Variants in PKHD1 observed in about 807,000 individuals in gnomAD.
PKHD1 encodes the protein fibrocystin.
PKHD1 carries 291 observed loss-of-function variants against 412.0 expected under a neutral mutation model. That is an observed-to-expected ratio of 0.71 (90% confidence interval 0.64 to 0.78). PKHD1 has a LOEUF of 0.78. Ranked by LOEUF, PKHD1 falls within the 30% of genes least tolerant of loss-of-function variation. The pLI is 0.00. For missense variants in PKHD1, 4,825 were observed against 4,950.7 expected (o/e 0.97, Z 0.76); for synonymous variants, 1,777 against 1,821.5 (o/e 0.98, Z 0.62).
In PKHD1 at chr6:51,867,516, T is replaced by C. The variant is rs79440627; in HGVS notation, c.7733+347A>G. On this transcript the variant is annotated intron_variant, in intron 48 of 66. Transcript: ENST00000371117. ...AAGAGTACATGTATATAAATGAGAA[T>C]GGACATTTTTAGAATTTTTTAATAA... Among the ~76,000 whole-genome samples, 856 of 152,228 alleles carry C rather than the reference T, an allele frequency of 5.6e-3. 7 individuals carry two copies. Among genetic ancestry groups the C allele is most frequent in the African/African-American group, 0.018 (743 of 41,550 alleles).
At position 52,043,144 on chromosome 6, in the gene PKHD1, G is replaced by A. The variant is rs745871312; in HGVS notation, c.2822-10C>T. 5.0e-6 allele frequency: 8 copies of A among 1,602,560 alleles called. No homozygotes were observed. Among genetic ancestry groups the A allele is most frequent in the Non-Finnish European group, 6.8e-6 (8 of 1,170,896 alleles). ...AGGTTGATGTCACCATCTTAAAGGAGAAAAGAAATTAAAAAACAAATAAAA... is the reference window on the plus strand; with the variant it reads ...AGGTTGATGTCACCATCTTAAAGGAAAAAAGAAATTAAAAAACAAATAAAA... On this transcript the variant is annotated splice_polypyrimidine_tract_variant and intron_variant, in intron 26 of 66. Coordinates refer to ENST00000371117, the MANE Select transcript of PKHD1 (RefSeq NM_138694.4).
chr6:52,059,973 G>A lies in PKHD1; in HGVS notation c.1188C>T (p.Ser396=). The change falls in exon 15 of 67, where the codon AGC becomes AGT. Residue 396 remains serine, a synonymous_variant. Transcript: ENST00000371117. ...ACCAACTGAAATGCAAGGAAGCTTGGCTATCTGCCTGAATCCAGAAAGTGT... is the reference window on the plus strand; with the variant it reads ...ACCAACTGAAATGCAAGGAAGCTTGACTATCTGCCTGAATCCAGAAAGTGT... The part of the protein sequence containing the change: ...NNYTFWIQAD[S]QASLHFSWSE... The A allele has an allele frequency of 6.2e-7, 1 of 1,607,948 alleles. No individual in the cohort carries two copies. Among genetic ancestry groups the A allele is most frequent in the Non-Finnish European group, 8.5e-7 (1 of 1,174,382 alleles).
intron 46 of PKHD1, among the ~76,000 whole-genome samples, chr6:51,870,966 T>A (rs1775900143): frequency 6.6e-6 from 1 of 151,546 alleles, no homozygotes. Context: ...GAAATGCAAA[T>A]TAAGATCACA....
At chr6:51,854,944 G>A (rs1309177840) in intron 49 of PKHD1, among the ~76,000 whole-genome samples, 1 of 152,252 alleles carries the variant, frequency 6.6e-6, no homozygotes, top group Non-Finnish European at 1.5e-5. Context: ...GGCAGCTGCA[G>A]CCAGTGCTGG....
rs2127667334 is a variant in PKHD1, at chr6:51,912,450, C to A, written c.6248G>T (p.Gly2083Val). ...TTCCATCGGTTTGGCACCTTTAACA[C>A]CTGTTCCACTGATGATGACAACTTC... ...GDEVVIISGT[G>V]VKGAKPMEEI... The change falls in exon 38 of 67, where the codon GGT (glycine) becomes GTT (valine). Residue 2083 changes from glycine (G) to valine (V), a missense_variant. Transcript: ENST00000371117. The A allele has an allele frequency of 6.2e-7, 1 of 1,612,954 alleles. No individual in the cohort carries two copies. Among genetic ancestry groups the A allele is most frequent in the South Asian group, 1.1e-5 (1 of 91,056 alleles).
intron 66 of PKHD1, among the ~76,000 whole-genome samples, chr6:51,626,040 C>T (rs1767187918): frequency 6.6e-6 from 1 of 152,060 alleles, no homozygotes; most frequent in Admixed American, 6.6e-5. Flanking sequence ...AACAAACAAA[C>T]CTTTATTTCT....
At chr6:51,721,767 C>T (rs1781952182) in intron 60 of PKHD1, 6 of 1,415,872 alleles carry the variant, frequency 4.2e-6, no homozygotes, top group Non-Finnish European at 5.5e-6. Context: ...TAAGCAAACT[C>T]TATTTCCTCT....
At position 52,070,063 on chromosome 6, in the gene PKHD1, CACTTCCT is replaced by C. The variant is rs573382771; in HGVS notation, c.707+336_707+342del. Reference sequence around the variant, plus strand: ...TGGACCCCTTCCATTTTCAAGAAGGCACTTCCTAGATGGTACAATGTATTTCATGAAA... The same window carrying C: ...TGGACCCCTTCCATTTTCAAGAAGGCAGATGGTACAATGTATTTCATGAAA... On this transcript the variant is annotated intron_variant, in intron 10 of 66. Transcript: ENST00000371117. Among the ~76,000 whole-genome samples, 446 of 152,276 alleles carry C rather than the reference CACTTCCT, an allele frequency of 2.9e-3. 4 individuals carry two copies. The highest frequency in any genetic ancestry group is 0.024 in the South Asian group (116 of 4,814).
At chr6:51,771,851 A>T (rs1395051388) in intron 55 of PKHD1, among the ~76,000 whole-genome samples, 1 of 152,134 alleles carries the variant, frequency 6.6e-6, no homozygotes, top group Non-Finnish European at 1.5e-5. Context: ...TTAAACATTT[A>T]TAGATGTGGC....
Position 51,616,158 on chromosome 6 carries a change from T to C in PKHD1, c.*2923A>G, listed in dbSNP as rs1766048619. On this transcript the variant is annotated 3_prime_UTR_variant, in exon 67 of 67. Coordinates refer to ENST00000371117, the MANE Select transcript of PKHD1 (RefSeq NM_138694.4). ...AATGGATCAGTTGAACTAATTAACATATGTATCACCTCACACACTAGCATT... is the reference window on the plus strand; with the variant it reads ...AATGGATCAGTTGAACTAATTAACACATGTATCACCTCACACACTAGCATT... The C allele has an allele frequency of 6.6e-6, 1 of 152,356 alleles. No homozygotes were observed. The highest frequency in any genetic ancestry group is 2.4e-5 in the African/African-American group (1 of 41,458). The allele number at this position is 152,356 out of a possible 1,614,324, so 9.4% of individuals were successfully genotyped here. A position where few individuals can be genotyped will look rare whatever the true frequency, so the allele number is the denominator to read the frequency against.
In PKHD1 at chr6:52,066,041, C is replaced by A; in HGVS notation, c.815G>T (p.Gly272Val). 6.2e-7 allele frequency: 1 copy of A among 1,602,030 alleles called. No individual in the cohort carries two copies. The highest frequency in any genetic ancestry group is 1.1e-5 in the South Asian group (1 of 90,808). The part of the protein sequence containing the change: ...LSVFPETGSL[G>V]GRTNITITGD... Reference sequence around the variant, plus strand: ...TGTAATTGTGATGTTTGTTCTTCCCCCAAGGCTCCCAGTTTCTGGAAACAC... The same window carrying A: ...TGTAATTGTGATGTTTGTTCTTCCCACAAGGCTCCCAGTTTCTGGAAACAC... Residue 272 changes from glycine to valine, a missense_variant, in exon 12 of 67, where the codon GGG becomes GTG. Transcript: ENST00000371117.
At chr6:52,004,156 T>A (rs1032094223) in intron 35 of PKHD1, among the ~76,000 whole-genome samples, 1 of 152,154 alleles carries the variant, frequency 6.6e-6, no homozygotes, top group Non-Finnish European at 1.5e-5. Flanking sequence ...TACTTTATAT[T>A]GACTTAGAGA....
chr6:51,869,564 T>A (rs1775643180), intron 47 of PKHD1, among the ~76,000 whole-genome samples: 1 of 152,120 alleles, frequency 6.6e-6, no homozygotes, highest in Non-Finnish European at 1.5e-5. Flanking sequence ...AAAAGAGGGG[T>A]TAGCCAATAC....
chr6:51,970,800 T>C (rs780428450), intron 35 of PKHD1, among the ~76,000 whole-genome samples: 1 of 152,236 alleles, frequency 6.6e-6, no homozygotes, highest in Non-Finnish European at 1.5e-5. Context: ...TTATATTCTA[T>C]TGATCTATGT....
intron 61 of PKHD1, among the ~76,000 whole-genome samples, chr6:51,652,092 C>T (rs888685928): frequency 2.6e-5 from 4 of 152,102 alleles, no homozygotes; most frequent in Non-Finnish European, 2.9e-5. Context: ...GGACCTACAG[C>T]CAAACTTTAA....
At position 52,060,013 on chromosome 6, in the gene PKHD1, G is replaced by T. The variant is rs1417895348; in HGVS notation, c.1148C>A (p.Pro383Gln). ...RARLSGFFVA[P>Q]ETNNYTFWIQ... ...CCAGAAAGTGTAATTATTTGTCTCT[G>T]GAGCCACAAAGAACCCACTGAGCCG... Residue 383 changes from proline (P) to glutamine (Q), a missense_variant, in exon 15 of 67, where the codon CCA becomes CAA. By Grantham distance (76) the Pro-to-Gln change is moderately conservative (BLOSUM62 -1). Transcript: ENST00000371117. The T allele has an allele frequency of 6.2e-7, 1 of 1,610,448 alleles. No homozygotes were observed. The highest frequency in any genetic ancestry group is 8.5e-7 in the Non-Finnish European group (1 of 1,176,796).
In PKHD1 at chr6:51,732,914, C is replaced by T. The variant is rs139784967; in HGVS notation, c.10156+11471G>A. Among the ~76,000 whole-genome samples the T allele has an allele frequency of 2.8e-3, 422 of 152,210 alleles. 3 individuals are homozygous for T. Among genetic ancestry groups the T allele is most frequent in the Admixed American group, 5.6e-3 (85 of 15,294 alleles). ...GTCCATGGGTGGATGAATGGATAAG[C>T]AAAATGTGGTAAGTTCATGCAATGG... On this transcript the variant is annotated intron_variant, in intron 60 of 66. Coordinates refer to ENST00000371117, the MANE Select transcript of PKHD1 (RefSeq NM_138694.4).
intron 55 of PKHD1, among the ~76,000 whole-genome samples, chr6:51,762,670 C>G (rs933522070): frequency 5.7e-4 from 65 of 113,692 alleles, no homozygotes; most frequent in African/African-American, 1.6e-3. Flanking sequence ...TATATATTTT[C>G]AGGTATCAAA....
Position 51,648,129 on chromosome 6 carries a change from G to C in PKHD1, c.11311-11C>G. On this transcript the variant is annotated splice_polypyrimidine_tract_variant and intron_variant, in intron 62 of 66. Coordinates refer to ENST00000371117, the MANE Select transcript of PKHD1 (RefSeq NM_138694.4). Reference sequence around the variant, plus strand: ...CTCTACTCTTCGATTCTAGAAATGGGAATAGGAGGAGGGAGGAAGAAAAAG... The same window carrying C: ...CTCTACTCTTCGATTCTAGAAATGGCAATAGGAGGAGGGAGGAAGAAAAAG... 6.8e-7 allele frequency: 1 copy of C among 1,480,924 alleles called. No individual in the cohort carries two copies. 91.7% of individuals were successfully genotyped at this position (1,480,924 alleles called of 1,614,324 possible).
Sources: allele counts gnomAD v4.1 joint callset (sites outside exome capture counted in the v4.1 genomes callset), GRCh38; gene constraint gnomAD v4.1.1; transcripts MANE v1.5; gene names NCBI Gene and HGNC (gene_info 2026-07-23, HGNC 2026-07-21).